The following GPC6 variants were observed in gnomAD, a reference collection of about 807,000 sequenced individuals.
GPC6 encodes the protein glypican 6.
Under a neutral mutation model 55.2 loss-of-function variants are expected in GPC6, and 14 were observed. The observed-to-expected ratio is 0.25, with a 90% confidence interval of 0.17 to 0.40. The LOEUF is 0.40. Ranked by LOEUF, GPC6 falls within the 10% of genes least tolerant of loss-of-function variation. The pLI, the probability that GPC6 is intolerant of heterozygous loss-of-function variation, is 1.00. For synonymous variants in GPC6, 278 were observed against 259.6 expected, an observed-to-expected ratio of 1.07 and a Z score of -0.68; for missense variants, 641 against 708.5, an observed-to-expected ratio of 0.90 and a Z score of 1.08.
At chr13:93,366,658 A>T (rs1881260560) in intron 1 of GPC6, among the ~76,000 whole-genome samples, 1 of 152,102 alleles carries the variant, frequency 6.6e-6, no homozygotes, top group African/African-American at 2.4e-5. Flanking sequence ...GTTAGGGGAA[A>T]GAAACTCATT....
intron 1 of GPC6, among the ~76,000 whole-genome samples, chr13:93,442,092 G>A (rs922452261): frequency 1.1e-4 from 17 of 152,144 alleles, no homozygotes; most frequent in African/African-American, 3.6e-4. Context: ...TGACTTTAGA[G>A]AAAGGAAGTA....
At chr13:93,566,792 G>C (rs1399619900) in intron 2 of GPC6, among the ~76,000 whole-genome samples, 6 of 151,938 alleles carry the variant, frequency 3.9e-5, no homozygotes, top group African/African-American at 1.5e-4. Context: ...TCAACTCCCA[G>C]TTAGGAGTGA....
intron 4 of GPC6, among the ~76,000 whole-genome samples, chr13:94,055,859 G>A (rs7982255): frequency 4.3e-4 from 65 of 152,216 alleles, no homozygotes; most frequent in African/African-American, 3.6e-4. Context: ...AGAATATGGC[G>A]GGTGTCCCTG....
At position 94,339,751 on chromosome 13, in the gene GPC6, C is replaced by CTTTTTTTTTTTTT. The variant is rs56074677; in HGVS notation, c.1152+33645_1152+33657dup. ...TTAAGTCTGCAACCTGCATACTTTCCTTTTTTTTTTTTTTTTTTTTTTTTT... is the reference window on the plus strand; with the variant it reads ...TTAAGTCTGCAACCTGCATACTTTCCTTTTTTTTTTTTTTTTTTTTTTTTTTTTTTTTTTTTTT... On this transcript the variant is annotated intron_variant, in intron 6 of 8. Transcript: ENST00000377047. Among the ~76,000 whole-genome samples the CTTTTTTTTTTTTT allele has an allele frequency of 4.2e-4, 27 of 63,812 alleles. 5 individuals carry two copies. The highest frequency in any genetic ancestry group is 1.5e-3 in the African/African-American group (22 of 14,646). 41.9% of individuals were successfully genotyped at this position (63,812 alleles called of 152,430 possible).
chr13:93,412,011 A>AAAT (rs1876517266), intron 1 of GPC6, among the ~76,000 whole-genome samples: 1 of 151,868 alleles, frequency 6.6e-6, no homozygotes, highest in East Asian at 1.9e-4. Flanking sequence ...TCAAAAAAAA[A>AAAT]AAATAAATAA....
At chr13:94,311,278 C>T (rs967123281) in intron 6 of GPC6, among the ~76,000 whole-genome samples, 4 of 151,864 alleles carry the variant, frequency 2.6e-5, no homozygotes, top group Admixed American at 6.6e-5. Context: ...AAGTGATTCA[C>T]CTGCCTTGGC....
intron 4 of GPC6, among the ~76,000 whole-genome samples, chr13:94,245,178 C>A (rs1891160556): frequency 6.6e-6 from 1 of 152,100 alleles, no homozygotes; most frequent in South Asian, 2.1e-4. Context: ...ACTTCCTCTT[C>A]CCAGCCCAAT....
chr13:93,697,506 T>C (rs1882502058), intron 2 of GPC6, among the ~76,000 whole-genome samples: 1 of 152,162 alleles, frequency 6.6e-6, no homozygotes, highest in South Asian at 2.1e-4. Context: ...ATGTGAACTT[T>C]CACATGGCCA....
intron 4 of GPC6, among the ~76,000 whole-genome samples, chr13:94,062,555 C>CCTCTACATT (rs1308632354): frequency 4.6e-5 from 7 of 152,108 alleles, no homozygotes; most frequent in African/African-American, 1.7e-4. Flanking sequence ...CTGGCCTTAC[C>CCTCTACATT]CTCTACATTT....
chr13:93,544,190 A>G (rs1566415005), intron 1 of GPC6, among the ~76,000 whole-genome samples: 1 of 152,156 alleles, frequency 6.6e-6, no homozygotes, highest in Admixed American at 6.6e-5. Context: ...TAACGTTAAT[A>G]TGTACTTGTA....
intron 2 of GPC6, among the ~76,000 whole-genome samples, chr13:93,817,646 C>G (rs966039722): frequency 2.6e-5 from 4 of 152,142 alleles, no homozygotes; most frequent in Non-Finnish European, 4.4e-5. Context: ...ATGGCTTGAG[C>G]TCAGGAGTTC....
At position 93,350,204 on chromosome 13, in the gene GPC6, G is replaced by A. The variant is rs1322309751; in HGVS notation, c.160+122588G>A. Among the ~76,000 whole-genome samples the A allele has an allele frequency of 3.9e-5, 6 of 152,268 alleles. No individual in the cohort carries two copies. The East Asian group carries it at 9.7e-4, about 25-fold the overall frequency. On this transcript the variant is annotated intron_variant, in intron 1 of 8. Coordinates refer to ENST00000377047, the MANE Select transcript of GPC6 (RefSeq NM_005708.5). ...AACCCCAGCACTTTGGAAGGCTAAG[G>A]CGGGTGGATCACTTGAAGTCAGGAG...
At chr13:93,768,752 C>G (rs1456857102) in intron 2 of GPC6, among the ~76,000 whole-genome samples, 1 of 152,100 alleles carries the variant, frequency 6.6e-6, no homozygotes, top group East Asian at 1.9e-4. Flanking sequence ...TATGCAGGCT[C>G]TGAAGACTTA....
At chr13:93,583,615 C>T (rs2017844) in intron 2 of GPC6, among the ~76,000 whole-genome samples, 104,900 of 152,026 alleles carry the variant, frequency 0.69, 37,961 homozygotes, top group Non-Finnish European at 0.81. Flanking sequence ...TGGAGTTCCA[C>T]CATGTTGGCC....
At chr13:94,252,602 C>CCCA (rs893880280) in intron 4 of GPC6, among the ~76,000 whole-genome samples, 145 of 152,268 alleles carry the variant, frequency 9.5e-4, no homozygotes, top group Non-Finnish European at 1.8e-3. Context: ...CTCCCCTGTA[C>CCCA]CCACCACCAC....
At chr13:93,526,734 C>T (rs142879988) in intron 1 of GPC6, among the ~76,000 whole-genome samples, 1 of 152,182 alleles carries the variant, frequency 6.6e-6, no homozygotes, top group African/African-American at 2.4e-5. Context: ...AGTCTCAGTT[C>T]AAGACCCTTT....
chr13:93,357,374 ATTTG>A (rs551931111), intron 1 of GPC6, among the ~76,000 whole-genome samples: 464 of 152,230 alleles, frequency 3.0e-3, no homozygotes, highest in Non-Finnish European at 4.4e-3. Context: ...CTGTAATTAA[ATTTG>A]TTTTTTATTA....
chr13:94,300,225 A>C (rs974045034), intron 5 of GPC6, among the ~76,000 whole-genome samples: 1 of 152,186 alleles, frequency 6.6e-6, no homozygotes, highest in African/African-American at 2.4e-5. Flanking sequence ...ACCAGTAGTG[A>C]CTTTTTAAAT....
Position 93,227,343 on chromosome 13 carries a change from C to T in GPC6, c.-114C>T, listed in dbSNP as rs1875825252. On this transcript the variant is annotated 5_prime_UTR_variant, in exon 1 of 9. The change creates a new upstream start codon in the 5' untranslated region. Transcript: ENST00000377047. The surrounding 1 kb of genome is among the most constrained non-coding windows in gnomAD (Gnocchi z 4.3). ...CCCCTCGGCTGGCAGAAGGGGGTGACGCTGGGCAGCGGCGAGGAGCGCGCC... is the reference window on the plus strand; with the variant it reads ...CCCCTCGGCTGGCAGAAGGGGGTGATGCTGGGCAGCGGCGAGGAGCGCGCC... 3.9e-6 allele frequency: 4 copies of T among 1,035,146 alleles called. No homozygotes were observed. The highest frequency in any genetic ancestry group is 5.8e-6 in the Non-Finnish European group (4 of 694,760). 64.1% of individuals were successfully genotyped at this position (1,035,146 alleles called of 1,614,324 possible).
Sources: allele counts gnomAD v4.1 joint callset (sites outside exome capture counted in the v4.1 genomes callset), GRCh38; gene constraint gnomAD v4.1.1; non-coding constraint Gnocchi (gnomAD v3.1); transcripts MANE v1.5; gene names NCBI Gene and HGNC (gene_info 2026-07-23, HGNC 2026-07-21).